The following SLC38A6 variants were observed in gnomAD, a reference collection of about 807,000 sequenced individuals.
SLC38A6 encodes solute carrier family 38 member 6.
Under a neutral mutation model 65.0 loss-of-function variants are expected in SLC38A6, and 73 were observed. The observed-to-expected ratio is 1.12, with a 90% confidence interval of 0.93 to 1.37. The LOEUF is 1.37. Among genes scored for constraint, SLC38A6 ranks in the 40% most tolerant of loss-of-function variants. SLC38A6 has a pLI of 0.00. For synonymous variants in SLC38A6, 183 were observed against 178.8 expected (o/e 1.02, Z -0.19); for missense variants, 561 against 531.1 (o/e 1.06, Z -0.55).
downstream of SLC38A6, among the ~76,000 whole-genome samples, chr14:61,053,851 G>T (rs1469543198): frequency 6.6e-6 from 1 of 151,570 alleles, no homozygotes; most frequent in Non-Finnish European, 1.5e-5. Context: ...GGTTTTTTTT[G>T]CTGTGCAGAA....
intron 3 of SLC38A6, among the ~76,000 whole-genome samples, chr14:61,006,513 A>T (rs547069308): frequency 4.6e-5 from 7 of 152,364 alleles, no homozygotes; most frequent in African/African-American, 1.7e-4. Flanking sequence ...AAGTGGGCGA[A>T]GGACATGAAC....
At chr14:61,033,962 G>A (rs1159575452) in intron 6 of SLC38A6, 1 of 152,144 alleles carries the variant, frequency 6.6e-6, no homozygotes, top group Non-Finnish European at 1.5e-5. Context: ...AATAAATGAG[G>A]TAGTATCTGA....
intron 3 of SLC38A6, among the ~76,000 whole-genome samples, chr14:61,009,281 A>G (rs1314846084): frequency 1.3e-5 from 2 of 152,196 alleles, no homozygotes; most frequent in Non-Finnish European, 2.9e-5. Flanking sequence ...GAGATGTCAG[A>G]TAGCTAGAGG....
At chr14:61,000,825 C>G (rs1370813719) in intron 3 of SLC38A6, among the ~76,000 whole-genome samples, 1 of 152,156 alleles carries the variant, frequency 6.6e-6, no homozygotes, top group East Asian at 1.9e-4. Context: ...CCATTCAGCA[C>G]TATGAGGTAC....
chr14:60,993,390 A>G (rs1161538510), intron 3 of SLC38A6, among the ~76,000 whole-genome samples: 1 of 152,176 alleles, frequency 6.6e-6, no homozygotes. Flanking sequence ...CCATTTCCCC[A>G]CTATTATAGG....
intron 3 of SLC38A6, among the ~76,000 whole-genome samples, chr14:61,014,798 G>A (rs1448822716): frequency 6.6e-6 from 1 of 152,180 alleles, no homozygotes; most frequent in South Asian, 2.1e-4. Flanking sequence ...GCCCCTACAG[G>A]GGGGTGCCTC....
rs982647440 is a variant in SLC38A6 at position 60,997,892 on chromosome 14, C to T, written c.310+13089C>T. ...AGGTTGTTCAAAATAAAAATGAGTT[C>T]AGTTTTAGACTTATATGTAGGTGGA... On this transcript the variant is annotated intron_variant, in intron 3 of 15. Coordinates refer to ENST00000267488, the MANE Select transcript of SLC38A6 (RefSeq NM_153811.3). 5.9e-5 allele frequency among the ~76,000 whole-genome samples: 9 copies of T among 152,154 alleles called. 1 individual carries two copies. Among genetic ancestry groups the T allele is most frequent in the Admixed American group, 5.9e-4 (9 of 15,286 alleles).
At chr14:61,035,462 C>T (rs2041292201) in intron 6 of SLC38A6, among the ~76,000 whole-genome samples, 1 of 151,984 alleles carries the variant, frequency 6.6e-6, no homozygotes, top group Non-Finnish European at 1.5e-5. Context: ...ATAGAGTTTT[C>T]CTCCAGCTTC....
chr14:61,014,603 G>C (rs1055119553), intron 3 of SLC38A6, among the ~76,000 whole-genome samples: 6 of 152,184 alleles, frequency 3.9e-5, no homozygotes, highest in African/African-American at 1.4e-4. Context: ...CCTTCTAACA[G>C]TTAGGACCCT....
chr14:61,065,925 G>A (rs1054359304), intron 15 of SLC38A6, among the ~76,000 whole-genome samples: 2 of 152,144 alleles, frequency 1.3e-5, no homozygotes, highest in African/African-American at 2.4e-5. Flanking sequence ...TGCCAATACA[G>A]TATATACAGA....
intron 3 of SLC38A6, among the ~76,000 whole-genome samples, chr14:61,013,721 C>G (rs1016497780): frequency 6.6e-6 from 1 of 152,176 alleles, no homozygotes; most frequent in African/African-American, 2.4e-5. Flanking sequence ...CCCCCAATGT[C>G]TTCTGGCTTG....
intron 3 of SLC38A6, among the ~76,000 whole-genome samples, chr14:60,986,500 C>T (rs1337970191): frequency 1.3e-5 from 2 of 152,218 alleles, no homozygotes; most frequent in Admixed American, 1.3e-4. Context: ...CTTTGGCCAT[C>T]CAGTGCACGC....
intron 5 of SLC38A6, among the ~76,000 whole-genome samples, chr14:61,028,982 T>G (rs969835266): frequency 3.9e-5 from 6 of 152,116 alleles, no homozygotes; most frequent in African/African-American, 1.4e-4. Context: ...AAATATACAT[T>G]CTTCTTAAAC....
chr14:61,015,945 T>G lies in SLC38A6; in HGVS notation c.352T>G (p.Leu118Val), dbSNP rs201464169. 1.9e-5 allele frequency: 31 copies of G among 1,607,248 alleles called. No individual in the cohort carries two copies. In the East Asian group the frequency reaches 6.3e-4, roughly 33 times the overall value. ...AGATCTTGGACTCTTTGCATTTGGA[T>G]TACCTGGAAAGGTAATTTTTTTTCC... ...YEDLGLFAFG[L>V]PGKLVVAGTI... The change falls in exon 4 of 16, where the codon TTA (leucine) becomes GTA (valine). Residue 118 changes from leucine (L) to valine (V), a missense_variant. Leu to Val is a conservative substitution (Grantham distance 32, BLOSUM62 1). Transcript: ENST00000267488.
At chr14:60,990,422 C>T (rs138365889) in intron 3 of SLC38A6, among the ~76,000 whole-genome samples, 5 of 152,224 alleles carry the variant, frequency 3.3e-5, no homozygotes, top group African/African-American at 7.2e-5. Flanking sequence ...CAGCTGCCTC[C>T]GTGACATCTC....
intron 3 of SLC38A6, among the ~76,000 whole-genome samples, chr14:61,004,815 GA>G (rs895042627): frequency 1.3e-5 from 2 of 152,140 alleles, no homozygotes; most frequent in Admixed American, 1.3e-4. Flanking sequence ...GAAAAAGAGG[GA>G]ATCCTCCCTA....
At chr14:61,080,719 G>T (rs2043611037) in intron 16 of SLC38A6, among the ~76,000 whole-genome samples, 1 of 152,190 alleles carries the variant, frequency 6.6e-6, no homozygotes, top group South Asian at 2.1e-4. Flanking sequence ...GGGTGGGTGT[G>T]ATTTGAATGT....
At chr14:61,078,370 G>C (rs1384703494) in intron 15 of SLC38A6, among the ~76,000 whole-genome samples, 1 of 152,166 alleles carries the variant, frequency 6.6e-6, no homozygotes. Context: ...ATATGTACAG[G>C]AAAATACAAG....
chr14:61,009,283 A>C (rs1268605305), intron 3 of SLC38A6, among the ~76,000 whole-genome samples: 1 of 152,208 alleles, frequency 6.6e-6, no homozygotes, highest in Admixed American at 6.5e-5. Context: ...GATGTCAGAT[A>C]GCTAGAGGGT....
Sources: gnomAD v4.1 joint callset for allele counts (sites outside exome capture counted in the v4.1 genomes callset) on GRCh38, gnomAD v4.1.1 for gene constraint, MANE v1.5 for transcripts, NCBI Gene and HGNC (gene_info 2026-07-23, HGNC 2026-07-21) for gene names.